CDC16: variants seen among roughly 807,000 people sequenced by gnomAD.
CDC16 encodes cell division cycle protein 16 homolog.
CDC16 carries 34 observed loss-of-function variants against 87.0 expected under a neutral mutation model. That is an observed-to-expected ratio of 0.39 (90% CI 0.30 to 0.52). CDC16 has a LOEUF of 0.52. Among genes scored for constraint, CDC16 ranks in the 20% least tolerant of loss-of-function variants. CDC16 has a pLI of 0.74. For synonymous variants in CDC16, 263 were observed against 260.6 expected (o/e 1.01, Z -0.09); for missense variants, 653 against 751.9 (o/e 0.87, Z 1.54).
intron 12 of CDC16, among the ~76,000 whole-genome samples, chr13:114,253,404 G>T (rs2082306101): frequency 6.6e-6 from 1 of 151,646 alleles, no homozygotes; most frequent in Admixed American, 6.6e-5. Context: ...ATTTATTGAG[G>T]CTGGCCGGGC....
At chr13:114,244,793 A>G (rs2081757398) in intron 8 of CDC16, 97 bp from the exon 9 acceptor site, 2 of 692,688 alleles carry the variant, frequency 2.9e-6, no homozygotes, top group Non-Finnish European at 5.1e-6. Context: ...CCACAGCATC[A>G]TATGTGATAC....
At chr13:114,255,994 T>G (rs1161883756) in intron 12 of CDC16, among the ~76,000 whole-genome samples, 1 of 152,220 alleles carries the variant, frequency 6.6e-6, no homozygotes, top group Non-Finnish European at 1.5e-5. Flanking sequence ...GAACTCTAAA[T>G]TAATTCTGCT....
At chr13:114,246,157 A>C (rs2081859766) in intron 10 of CDC16, 108 bp downstream of exon 10, 1 of 557,676 alleles carries the variant, frequency 1.8e-6, no homozygotes, top group Non-Finnish European at 3.1e-6. Context: ...ATGATGTTTT[A>C]TTAAAGTGTT....
At chr13:114,261,183 G>A (rs982968212) in intron 14 of CDC16, among the ~76,000 whole-genome samples, 3 of 152,158 alleles carry the variant, frequency 2.0e-5, no homozygotes, top group African/African-American at 7.2e-5. Flanking sequence ...CTTGGATTTT[G>A]AGTTCACAGA....
At position 114,272,255 on chromosome 13, in the gene CDC16, A is replaced by G. The variant is rs1363909277; in HGVS notation, c.1675A>G (p.Ile559Val). The change falls in exon 18 of 18, where the codon ATT becomes GTT. Residue 559 changes from isoleucine to valine, a missense_variant. Physicochemically the swap from Ile to Val is conservative, Grantham distance 29. Coordinates refer to ENST00000356221, the MANE Select transcript of CDC16 (RefSeq NM_001078645.3). ...VHTMKTLKNI[I>V]SPPWDFREFE... ...TACAATGAAGACACTAAAAAACATT[A>G]TTTCACCTCCGTGGGATTTCAGGGA... 3.7e-6 allele frequency: 6 copies of G among 1,613,102 alleles called. No individual in the cohort carries two copies. Among genetic ancestry groups the G allele is most frequent in the Non-Finnish European group, 3.4e-6 (4 of 1,179,078 alleles).
rs1473363175 is a variant in CDC16 at position 114,265,169 on chromosome 13, A to G, written c.1532A>G (p.Asp511Gly). Reference sequence around the variant, plus strand: ...TGGCAGGCCCTTGGTCTTAGGCGAGATGATACATTTTCTGTTACAATGCTT... The same window carrying G: ...TGGCAGGCCCTTGGTCTTAGGCGAGGTGATACATTTTCTGTTACAATGCTT... ...YFHTALGLRR[D>G]DTFSVTMLGH... Residue 511 changes from aspartate to glycine, a missense_variant, in exon 17 of 18, where the codon GAT becomes GGT. Transcript: ENST00000356221. The G allele has an allele frequency of 6.2e-7, 1 of 1,611,174 alleles. No homozygotes were observed. The highest frequency in any genetic ancestry group is 2.2e-5 in the East Asian group (1 of 44,866).
intron 17 of CDC16, among the ~76,000 whole-genome samples, chr13:114,266,408 A>G (rs1196379414): frequency 6.6e-6 from 1 of 152,212 alleles, no homozygotes; most frequent in Non-Finnish European, 1.5e-5. Flanking sequence ...AAAACAAAAA[A>G]TGAGTAATAC....
intron 11 of CDC16, among the ~76,000 whole-genome samples, chr13:114,249,379 T>C (rs968040389): frequency 5.9e-5 from 9 of 152,050 alleles, no homozygotes. Context: ...TATGAAGCTT[T>C]ACTCACCTGC....
rs764114563 is a variant in CDC16, at chr13:114,243,395, T to C, written c.633+47T>C. The C allele has an allele frequency of 1.1e-5, 10 of 911,618 alleles. No individual in the cohort carries two copies. In the South Asian group the frequency reaches 1.4e-4, roughly 13 times the overall value. The allele number at this position is 911,618 out of a possible 1,614,324, so 56.5% of individuals were successfully genotyped here. On this transcript the variant is annotated intron_variant, in intron 7 of 17. Coordinates refer to ENST00000356221, the MANE Select transcript of CDC16 (RefSeq NM_001078645.3). Reference sequence around the variant, plus strand: ...GCACTTGCTTTATGTAAATATCTTATTCCATAAAATTTGGCATCTAGTCTT... The same window carrying C: ...GCACTTGCTTTATGTAAATATCTTACTCCATAAAATTTGGCATCTAGTCTT...
intron 15 of CDC16, 148 bp from the exon 16 acceptor site, chr13:114,262,731 T>G: frequency 1.6e-5 from 12 of 745,058 alleles, no homozygotes; most frequent in Non-Finnish European, 2.5e-5. Flanking sequence ...TTGAGATGCA[T>G]GAGAGTAGGT....
intron 3 of CDC16, among the ~76,000 whole-genome samples, chr13:114,238,025 G>C (rs923326668): frequency 5.3e-5 from 8 of 152,046 alleles, no homozygotes; most frequent in Non-Finnish European, 1.2e-4. Context: ...TCAATACCTG[G>C]AGCACGTGCT....
chr13:114,244,692 A>C, intron 8 of CDC16, 198 bp from the exon 9 acceptor site: 1 of 394,982 alleles, frequency 2.5e-6, no homozygotes, highest in Non-Finnish European at 4.5e-6. Context: ...TTTCAAATAA[A>C]CCAGAATTTT....
rs556944592 is a variant in CDC16, at chr13:114,239,267, A to G, written c.241-83A>G. ...TTCACATTTAAATAATGGGCATAGT[A>G]TATGTTATCCTTTAAAAATTCGGAT... On this transcript the variant is annotated intron_variant, in intron 4 of 17. Coordinates refer to ENST00000356221, the MANE Select transcript of CDC16 (RefSeq NM_001078645.3). 1.2e-4 allele frequency: 189 copies of G among 1,525,682 alleles called. No individual in the cohort carries two copies. The African/African-American group carries it at 2.3e-3, about 19-fold the overall frequency. The allele number at this position is 1,525,682 out of a possible 1,614,324, so 94.5% of individuals were successfully genotyped here.
At chr13:114,256,442 A>G (rs1287609907) in intron 12 of CDC16, among the ~76,000 whole-genome samples, 1 of 152,236 alleles carries the variant, frequency 6.6e-6, no homozygotes, top group Admixed American at 6.5e-5. Context: ...TTCTGAGATC[A>G]TCATCAAGGA....
rs1452884914 is a variant in CDC16, at chr13:114,242,038, T to C, written c.382-83T>C. On this transcript the variant is annotated intron_variant, in intron 5 of 17. Coordinates refer to ENST00000356221, the MANE Select transcript of CDC16 (RefSeq NM_001078645.3). ...CTGAACTCCAGCCTGGGAGACAGAG[T>C]GAGACTCTGCCTCTAAGGAGAAAAA... is the stretch of plus-strand genomic sequence containing the variant. 2.0e-6 allele frequency: 3 copies of C among 1,473,104 alleles called. No individual in the cohort carries two copies. The African/African-American group carries it at 4.3e-5, about 21-fold the overall frequency. The allele number at this position is 1,473,104 out of a possible 1,614,324, so 91.3% of individuals were successfully genotyped here. A position where few individuals can be genotyped will look rare whatever the true frequency, so the allele number is the denominator to read the frequency against.
intron 7 of CDC16, 110 bp downstream of exon 7, chr13:114,243,458 C>T: frequency 1.7e-6 from 1 of 592,404 alleles, no homozygotes; most frequent in Non-Finnish European, 3.0e-6. Context: ...TTAAATTTAG[C>T]ACATTTTTAA....
chr13:114,241,974 C>A, intron 5 of CDC16, 147 bp from the exon 6 acceptor site: 1 of 819,920 alleles, frequency 1.2e-6, no homozygotes. Flanking sequence ...CATTTGAGAT[C>A]ATAGGAGTTC....
At chr13:114,239,075 T>A in intron 4 of CDC16, 47 bp downstream of exon 4, 1 of 1,591,884 alleles carries the variant, frequency 6.3e-7, no homozygotes. Flanking sequence ...ATAAAATGAG[T>A]GTTATGCATC....
rs199972446 is a variant in CDC16, at chr13:114,259,395, C to T, written c.1311C>T (p.Asn437=). 35 of 1,554,698 alleles carry T rather than the reference C, an allele frequency of 2.3e-5. No homozygotes were observed. The highest frequency in any genetic ancestry group is 1.3e-4 in the Admixed American group (6 of 46,168). ...DALEKIKAIG[N]EVTVDKWEPL... is the part of the protein sequence containing the mutation. Reference sequence around the variant, plus strand: ...TGGAAAAAATTAAAGCAATTGGGAACGAGGTATTCTTTGTAGTACCTGTAA... The same window carrying T: ...TGGAAAAAATTAAAGCAATTGGGAATGAGGTATTCTTTGTAGTACCTGTAA... The change falls in exon 14 of 18, where the codon AAC becomes AAT. Residue 437 remains asparagine, a synonymous_variant. Transcript: ENST00000356221.
Sources: gnomAD v4.1 joint callset for allele counts (sites outside exome capture counted in the v4.1 genomes callset) on GRCh38, gnomAD v4.1.1 for gene constraint, MANE v1.5 for transcripts, NCBI Gene and HGNC (gene_info 2026-07-23, HGNC 2026-07-21) for gene names.